The following SGK3 variants were observed in gnomAD, a reference collection of about 807,000 sequenced individuals.
SGK3 encodes the protein serine/threonine-protein kinase Sgk3.
SGK3 carries 47 observed loss-of-function variants against 68.5 expected under a neutral mutation model. The ratio of observed to expected loss-of-function variants is 0.69; its 90% confidence interval spans 0.54 to 0.87. The LOEUF is 0.87. SGK3 is among the 40% of genes least tolerant of loss of function. The pLI, the probability that SGK3 is intolerant of heterozygous loss-of-function variation, is 0.00. For synonymous variants in SGK3, 181 were observed against 189.1 expected, an observed-to-expected ratio of 0.96 and a Z score of 0.35; for missense variants, 479 against 575.5, an observed-to-expected ratio of 0.83 and a Z score of 1.72.
rs1418415294 is a variant in SGK3, at chr8:66,836,782, T to TC, written c.741+708_741+709insC. On this transcript the variant is annotated intron_variant, in intron 10 of 16. Coordinates refer to ENST00000521198, the MANE Select transcript of SGK3 (RefSeq NM_001033578.3). ...CAAAGTCAGGATATCTTTTTTTTTT[T>TC]TTTTTTTTTTTTGAGACAGCGTCTC... Among the ~76,000 whole-genome samples, 955 of 148,618 alleles carry TC rather than the reference T, an allele frequency of 6.4e-3. 7 individuals are homozygous for TC. The highest frequency in any genetic ancestry group is 0.023 in the African/African-American group (914 of 40,406).
chr8:66,716,534 G>A (rs912592416), intron 1 of SGK3, among the ~76,000 whole-genome samples: 27 of 127,754 alleles, frequency 2.1e-4, no homozygotes, highest in Admixed American at 1.4e-3. Flanking sequence ...CTTCTATTAC[G>A]CTAAAGCAAA....
chr8:66,835,008 G>A (rs949528251), intron 8 of SGK3, among the ~76,000 whole-genome samples: 1 of 151,892 alleles, frequency 6.6e-6, no homozygotes, highest in Non-Finnish European at 1.5e-5. Flanking sequence ...GGTGGCTTAC[G>A]CCTGTTATCC....
At chr8:66,736,742 A>G (rs1805327402) in intron 1 of SGK3, among the ~76,000 whole-genome samples, 1 of 151,374 alleles carries the variant, frequency 6.6e-6, no homozygotes. Context: ...GCTTCAGCCT[A>G]CCGAGTGACT....
intron 1 of SGK3, among the ~76,000 whole-genome samples, chr8:66,773,693 G>T (rs1402654249): frequency 6.6e-6 from 1 of 152,178 alleles, no homozygotes; most frequent in Non-Finnish European, 1.5e-5. Context: ...TGATAATGGA[G>T]ATGCCTACTA....
intron 4 of SGK3, among the ~76,000 whole-genome samples, chr8:66,810,206 T>C (rs1808328070): frequency 6.6e-6 from 1 of 151,594 alleles, no homozygotes; most frequent in Non-Finnish European, 1.5e-5. Flanking sequence ...AAATACACAC[T>C]GATTTATTCC....
At chr8:66,794,763 A>C (rs185100450) in intron 2 of SGK3, among the ~76,000 whole-genome samples, 1 of 152,262 alleles carries the variant, frequency 6.6e-6, no homozygotes, top group East Asian at 1.9e-4. Context: ...GAATGACCTC[A>C]TGGTAGCCTG....
intron 1 of SGK3, among the ~76,000 whole-genome samples, chr8:66,741,931 T>C (rs944704775): frequency 5.3e-5 from 8 of 152,210 alleles, no homozygotes; most frequent in South Asian, 2.1e-4. Flanking sequence ...GGTGCTAGGA[T>C]GGGGGCAGTG....
intron 1 of SGK3, among the ~76,000 whole-genome samples, chr8:66,768,528 A>G (rs931570354): frequency 1.3e-4 from 19 of 151,740 alleles, no homozygotes; most frequent in Non-Finnish European, 2.2e-4. Flanking sequence ...TTTTTTATTC[A>G]GTACATTATA....
chr8:66,717,454 A>C (rs575306421), intron 1 of SGK3, among the ~76,000 whole-genome samples: 3 of 152,266 alleles, frequency 2.0e-5, no homozygotes, highest in Non-Finnish European at 4.4e-5. Context: ...GCTTGAACCC[A>C]GGAGGCAGAG....
intron 1 of SGK3, among the ~76,000 whole-genome samples, chr8:66,751,742 T>TTTA (rs537397552): frequency 1.4e-5 from 2 of 147,786 alleles, no homozygotes; most frequent in East Asian, 2.0e-4. Flanking sequence ...AAATCATTCA[T>TTTA]TTTATTTATT....
chr8:66,715,244 GCTTT>G (rs563198557), intron 1 of SGK3, among the ~76,000 whole-genome samples: 20 of 151,562 alleles, frequency 1.3e-4, no homozygotes, highest in South Asian at 4.2e-4. Context: ...TTGACAGCTT[GCTTT>G]CTTTCTTTCT....
intron 6 of SGK3, among the ~76,000 whole-genome samples, chr8:66,826,540 T>C (rs191917340): frequency 3.2e-4 from 48 of 152,326 alleles, no homozygotes; most frequent in African/African-American, 1.1e-3. Flanking sequence ...ACTAATCTCA[T>C]TTAATGAATT....
At chr8:66,832,885 G>A (rs1174533803) in intron 8 of SGK3, among the ~76,000 whole-genome samples, 3 of 151,354 alleles carry the variant, frequency 2.0e-5, no homozygotes, top group African/African-American at 4.9e-5. Context: ...TACAGTTTAT[G>A]AAAACTGGTT....
At chr8:66,823,900 A>G (rs1257085196) in intron 6 of SGK3, among the ~76,000 whole-genome samples, 1 of 152,200 alleles carries the variant, frequency 6.6e-6, no homozygotes, top group Non-Finnish European at 1.5e-5. Flanking sequence ...TTAAACAACT[A>G]TTATTAAATA....
At chr8:66,723,118 TA>T (rs1804860919) in intron 1 of SGK3, among the ~76,000 whole-genome samples, 7 of 53,376 alleles carry the variant, frequency 1.3e-4, no homozygotes, top group South Asian at 5.9e-4. Flanking sequence ...TATATATATA[TA>T]TATATATATA....
At chr8:66,714,920 A>C (rs1804589663) in intron 1 of SGK3, among the ~76,000 whole-genome samples, 2 of 152,206 alleles carry the variant, frequency 1.3e-5, no homozygotes, top group Non-Finnish European at 2.9e-5. Context: ...GCAGGCCTGT[A>C]ATAAACATCT....
At chr8:66,858,110 A>G (rs1406630364) in intron 16 of SGK3, among the ~76,000 whole-genome samples, 1 of 152,182 alleles carries the variant, frequency 6.6e-6, no homozygotes, top group Non-Finnish European at 1.5e-5. Flanking sequence ...TTTATTCATC[A>G]GAAGGCTTTA....
intron 1 of SGK3, among the ~76,000 whole-genome samples, chr8:66,759,562 G>C (rs1806092513): frequency 1.3e-5 from 2 of 152,154 alleles, no homozygotes; most frequent in African/African-American, 4.8e-5. Flanking sequence ...CTCCCAAGTA[G>C]CTGGGACTAC....
intron 14 of SGK3, among the ~76,000 whole-genome samples, chr8:66,845,407 A>C (rs1053170379): frequency 3.9e-5 from 6 of 152,198 alleles, no homozygotes; most frequent in African/African-American, 1.2e-4. Context: ...TCAAAAAAAA[A>C]CAAAAAACAA....
Sources: gnomAD v4.1 joint callset for allele counts (sites outside exome capture counted in the v4.1 genomes callset) on GRCh38, gnomAD v4.1.1 for gene constraint, MANE v1.5 for transcripts, NCBI Gene and HGNC (gene_info 2026-07-23, HGNC 2026-07-21) for gene names.